The following DCHS2 variants were observed in gnomAD, a reference collection of about 807,000 sequenced individuals.
DCHS2 encodes the protein protocadherin-23.
In DCHS2, 142 loss-of-function variants were observed where a neutral mutation model predicts 182.4. The ratio of observed to expected loss-of-function variants is 0.78; its 90% confidence interval spans 0.68 to 0.89. The LOEUF is 0.89. Among genes scored for constraint, DCHS2 ranks in the 40% least tolerant of loss-of-function variants. The pLI, the probability that DCHS2 is intolerant of heterozygous loss-of-function variation, is 0.00. For synonymous variants in DCHS2, 1,740 were observed against 1,663.3 expected, an observed-to-expected ratio of 1.05 and a Z score of -1.12; for missense variants, 4,319 against 4,198.6, an observed-to-expected ratio of 1.03 and a Z score of -0.79.
intron 2 of DCHS2, among the ~76,000 whole-genome samples, chr4:154,367,676 C>T (rs1187464517): frequency 1.3e-5 from 2 of 152,146 alleles, no homozygotes; most frequent in Non-Finnish European, 2.9e-5. Flanking sequence ...TGGTAAGTCA[C>T]AACAGCCTGG....
intron 1 of DCHS2, among the ~76,000 whole-genome samples, chr4:154,437,670 C>A (rs990094900): frequency 6.6e-6 from 1 of 152,068 alleles, no homozygotes; most frequent in African/African-American, 2.4e-5. Flanking sequence ...GTAACATATT[C>A]GTTGAATCTG....
chr4:154,249,660 C>T (rs1030114986), intron 16 of DCHS2, among the ~76,000 whole-genome samples: 7 of 152,050 alleles, frequency 4.6e-5, no homozygotes, highest in Admixed American at 3.3e-4. Flanking sequence ...AAAAGGCAAC[C>T]TAGGTGCCTG....
At chr4:154,459,618 C>T (rs955625345) in intron 1 of DCHS2, among the ~76,000 whole-genome samples, 3 of 152,022 alleles carry the variant, frequency 2.0e-5, no homozygotes, top group African/African-American at 2.4e-5. Flanking sequence ...GGCACCCCTG[C>T]GAAGTGGCTT....
rs1736428728 is a variant in DCHS2, at chr4:154,329,561, A to G, written c.3880T>C (p.Phe1294Leu). 7.4e-6 allele frequency: 12 copies of G among 1,613,654 alleles called. No homozygotes were observed. Among genetic ancestry groups the G allele is most frequent in the Non-Finnish European group, 8.5e-6 (10 of 1,179,932 alleles). ...VTDINDNRPFFPQCLPGKELH... is the reference protein window; with the variant it reads ...VTDINDNRPFLPQCLPGKELH... ...TCCTTTCCAGGGAGACACTGGGGGA[A>G]GAAGGGCCTGTTATCATTGATGTCA... Residue 1294 changes from phenylalanine to leucine, a missense_variant, in exon 6 of 20, where the codon TTC (phenylalanine) becomes CTC (leucine). Transcript: ENST00000357232.
At chr4:154,425,086 C>T (rs1456321159) in intron 1 of DCHS2, among the ~76,000 whole-genome samples, 2 of 152,186 alleles carry the variant, frequency 1.3e-5, no homozygotes, top group African/African-American at 4.8e-5. Context: ...TGAGGGATCA[C>T]GGCCAAATAA....
intron 1 of DCHS2, chr4:154,391,211 A>C (rs374102274): frequency 2.5e-6 from 4 of 1,613,802 alleles, no homozygotes; most frequent in Middle Eastern, 3.3e-4. Context: ...CCTCATATAC[A>C]CAGGCATCAG....
At chr4:154,459,734 TTCTC>T (rs60259256) in intron 1 of DCHS2, among the ~76,000 whole-genome samples, 2,783 of 135,246 alleles carry the variant, frequency 0.021, 85 homozygotes, top group African/African-American at 0.07. Flanking sequence ...TATCTACACA[TTCTC>T]TCTCTCTCTC....
At chr4:154,449,410 G>A (rs1028699601) in intron 1 of DCHS2, among the ~76,000 whole-genome samples, 5 of 150,276 alleles carry the variant, frequency 3.3e-5, no homozygotes, top group East Asian at 3.9e-4. Flanking sequence ...TGTTCCTGTC[G>A]CTCAGGCTGG....
Position 154,235,761 on chromosome 4 carries a change from T to A in DCHS2, c.8891A>T (p.Lys2964Ile). Reference sequence around the variant, plus strand: ...GCAAGATGCAAACTTGGAATCTGATTTGGGACTATGAGCGATTATTTTCAT... The same window carrying A: ...GCAAGATGCAAACTTGGAATCTGATATGGGACTATGAGCGATTATTTTCAT... ...LEMKIIAHSP[K>I]SDSKFASCTV... The change falls in exon 20 of 20, where the codon AAA becomes ATA. Residue 2964 changes from lysine (K) to isoleucine (I), a missense_variant. Physicochemically the swap from Lys to Ile is moderately radical, Grantham distance 102. Transcript: ENST00000357232. 1 of 1,613,940 alleles carries A rather than the reference T, an allele frequency of 6.2e-7. No homozygotes were observed. The highest frequency in any genetic ancestry group is 8.5e-7 in the Non-Finnish European group (1 of 1,179,862).
intron 1 of DCHS2, among the ~76,000 whole-genome samples, chr4:154,488,635 G>T (rs538951859): frequency 6.6e-6 from 1 of 152,186 alleles, no homozygotes; most frequent in African/African-American, 2.4e-5. Flanking sequence ...GGGCGTGGTG[G>T]CTCACCCCTG....
rs1273073491 is a variant in DCHS2, at chr4:154,298,002, G to A, written c.6312C>T (p.Phe2104=). 2 of 1,614,058 alleles carry A rather than the reference G, an allele frequency of 1.2e-6. No homozygotes were observed. The highest frequency in any genetic ancestry group is 1.7e-6 in the Non-Finnish European group (2 of 1,179,984). The part of the protein sequence containing the change: ...QFQQNPSSEY[F]PIWLQLKVTD... ...TAACTTTTAACTGCAGCCAGATAGG[G>A]AAGTATTCTGAAGATGGATTTTGCT... The change falls in exon 13 of 20, where the codon TTC becomes TTT. Residue 2104 remains phenylalanine (F), a synonymous_variant. Transcript: ENST00000357232.
chr4:154,308,147 A>G (rs543208016), intron 10 of DCHS2, among the ~76,000 whole-genome samples: 6 of 151,742 alleles, frequency 4.0e-5, no homozygotes, highest in South Asian at 4.2e-4. Context: ...ATTGCCAGTT[A>G]CTCTTTCTAC....
At chr4:154,368,391 A>C (rs1205796821) in intron 2 of DCHS2, among the ~76,000 whole-genome samples, 2 of 152,206 alleles carry the variant, frequency 1.3e-5, no homozygotes, top group Non-Finnish European at 2.9e-5. Context: ...GTAATGAAAA[A>C]GTGGGGAAAA....
intron 7 of DCHS2, among the ~76,000 whole-genome samples, chr4:154,324,053 T>C (rs1253864416): frequency 6.6e-6 from 1 of 152,214 alleles, no homozygotes; most frequent in Non-Finnish European, 1.5e-5. Context: ...GCTCGATGAG[T>C]TAAACTTTTA....
At chr4:154,449,737 G>A (rs569992956) in intron 1 of DCHS2, among the ~76,000 whole-genome samples, 1 of 152,200 alleles carries the variant, frequency 6.6e-6, no homozygotes, top group South Asian at 2.1e-4. Context: ...TAAATAAGGA[G>A]TTTTATATTG....
chr4:154,269,826 T>C lies in DCHS2; in HGVS notation c.6577+74A>G, dbSNP rs1268900597. On this transcript the variant is annotated intron_variant, in intron 14 of 19. Coordinates refer to ENST00000357232, the MANE Select transcript of DCHS2 (RefSeq NM_001358235.2). ...TAAATTACTTAGCTCTAACAATTTC[T>C]ACTTTGCAAATTTTGCAGAAATAAC... is the stretch of plus-strand genomic sequence containing the variant. 1.4e-5 allele frequency: 22 copies of C among 1,554,042 alleles called. No individual in the cohort carries two copies. The African/African-American group carries it at 2.8e-4, about 20-fold the overall frequency.
intron 9 of DCHS2, 78 bp from the exon 10 acceptor site, chr4:154,316,065 C>T: frequency 6.5e-7 from 1 of 1,550,174 alleles, no homozygotes; most frequent in Non-Finnish European, 8.7e-7. Flanking sequence ...TTATATCTAA[C>T]TTGTCTACCT....
At chr4:154,354,919 G>T (rs1729790393) in intron 3 of DCHS2, 1 of 151,898 alleles carries the variant, frequency 6.6e-6, no homozygotes. Context: ...ATGTTGTGCA[G>T]CTAGCTGTTT....
chr4:154,364,881 C>A (rs1730280477), intron 3 of DCHS2, among the ~76,000 whole-genome samples: 1 of 151,894 alleles, frequency 6.6e-6, no homozygotes, highest in Non-Finnish European at 1.5e-5. Flanking sequence ...CTGTTTGGAT[C>A]AGGTGGAAAA....
Sources: allele counts gnomAD v4.1 joint callset (sites outside exome capture counted in the v4.1 genomes callset), GRCh38; gene constraint gnomAD v4.1.1; transcripts MANE v1.5; gene names NCBI Gene and HGNC (gene_info 2026-07-23, HGNC 2026-07-21).